SCARA3: variants seen among roughly 807,000 people sequenced by gnomAD.
The protein encoded by SCARA3 is scavenger receptor class A member 3, also known as cellular stress response gene protein.
In SCARA3, 39 loss-of-function variants were observed where a neutral mutation model predicts 47.0. The ratio of observed to expected loss-of-function variants is 0.83; its 90% CI spans 0.64 to 1.08. SCARA3 has a LOEUF of 1.08. Among genes scored for constraint, SCARA3 ranks in the 50% least tolerant of loss-of-function variants. SCARA3 has a pLI of 0.00. For missense variants in SCARA3, 724 were observed against 792.3 expected (o/e 0.91, Z 1.04); for synonymous variants, 356 against 334.1 (o/e 1.07, Z -0.71).
chr8:27,711,304 G>A, the SCARA3 span, among the ~76,000 whole-genome samples: 10 of 152,194 alleles, frequency 6.6e-5, no homozygotes, highest in African/African-American at 2.4e-4. Context: ...TTGCAAAATG[G>A]TGATTCTGGT....
downstream of SCARA3, chr8:27,676,466 C>A: frequency 7.4e-7 from 1 of 1,354,468 alleles, no homozygotes; most frequent in South Asian, 1.3e-5. Flanking sequence ...GAGGCCTTTT[C>A]CCTAAGCCCA....
chr8:27,684,751 G>A, the SCARA3 span, among the ~76,000 whole-genome samples: 162 of 151,962 alleles, frequency 1.1e-3, no homozygotes, highest in African/African-American at 3.5e-3. Context: ...AAGTTTGGCC[G>A]GATGCAATAT....
At chr8:27,642,904 G>A (rs34659791) in intron 1 of SCARA3, among the ~76,000 whole-genome samples, 3,020 of 152,282 alleles carry the variant, frequency 0.02, 129 homozygotes, top group African/African-American at 0.07. Flanking sequence ...GGGGTTCAGG[G>A]GAGTCGGGGG....
Position 27,660,567 on chromosome 8 carries a change from T to TAGATAATAGAC in SCARA3, c.1369+1033_1369+1034insATAGACAGATA, listed in dbSNP as rs1563410112. On this transcript the variant is annotated intron_variant, in intron 5 of 5. Coordinates refer to ENST00000301904, the MANE Select transcript of SCARA3 (RefSeq NM_016240.3). ...GATAGATAGATAGATAGATAATAGA[T>TAGATAATAGAC]AGATAGATGATAGATAGATCCAGAG... 6.4e-4 allele frequency among the ~76,000 whole-genome samples: 96 copies of TAGATAATAGAC among 150,670 alleles called. 1 individual carries two copies. The highest frequency in any genetic ancestry group is 2.3e-3 in the African/African-American group (92 of 40,826).
the SCARA3 span, among the ~76,000 whole-genome samples, chr8:27,690,732 G>A: frequency 6.6e-6 from 1 of 152,044 alleles, no homozygotes; most frequent in African/African-American, 2.4e-5. Flanking sequence ...GTCTCGTTCT[G>A]TCACCCAGGC....
intron 1 of SCARA3, among the ~76,000 whole-genome samples, chr8:27,640,130 A>G (rs1204191016): frequency 6.6e-6 from 1 of 152,228 alleles, no homozygotes. Context: ...TCGGGAGGCA[A>G]GGGAAGGAGA....
chr8:27,659,479 G>C lies in SCARA3; in HGVS notation c.1309G>C (p.Glu437Gln). The C allele has an allele frequency of 6.2e-7, 1 of 1,614,008 alleles. No homozygotes were observed. ...NVRNLSMIVE[E>Q]MKAVDTQHGE... ...CCGGAACCTCTCCATGATCGTGGAG[G>C]AGATGAAGGCAGTGGACACACAGCA... The change falls in exon 5 of 6, where the codon GAG becomes CAG. Residue 437 changes from glutamate to glutamine, a missense_variant. By Grantham distance (29) the Glu-to-Gln change is conservative. Coordinates refer to ENST00000301904, the MANE Select transcript of SCARA3 (RefSeq NM_016240.3).
At chr8:27,667,392 C>T (rs1173149802) in intron 5 of SCARA3, among the ~76,000 whole-genome samples, 1 of 152,206 alleles carries the variant, frequency 6.6e-6, no homozygotes, top group African/African-American at 2.4e-5. Context: ...TGGGGTCTTC[C>T]TCCTCCAGGC....
At chr8:27,661,020 G>T (rs1466891278) in intron 5 of SCARA3, among the ~76,000 whole-genome samples, 1 of 152,170 alleles carries the variant, frequency 6.6e-6, no homozygotes, top group African/African-American at 2.4e-5. Flanking sequence ...CTCTTACTTG[G>T]GGGAGGCTCA....
the SCARA3 span, among the ~76,000 whole-genome samples, chr8:27,716,481 G>A: frequency 4.4e-4 from 67 of 152,246 alleles, 3 homozygotes; most frequent in East Asian, 0.013. Context: ...GGACATAAAA[G>A]TTAGCTTCAA....
intron 3 of SCARA3, among the ~76,000 whole-genome samples, chr8:27,652,544 A>G (rs1027254272): frequency 6.6e-6 from 1 of 152,216 alleles, no homozygotes; most frequent in Non-Finnish European, 1.5e-5. Flanking sequence ...GCCTGAGCAC[A>G]TCCCTAAGGA....
At chr8:27,700,681 A>T in the SCARA3 span, among the ~76,000 whole-genome samples, 8 of 152,324 alleles carry the variant, frequency 5.3e-5, no homozygotes, top group East Asian at 1.3e-3. Flanking sequence ...TGACCATGTA[A>T]GCACATGAAA....
intron 2 of SCARA3, among the ~76,000 whole-genome samples, 160 bp from the exon 3 acceptor site, chr8:27,651,348 A>G (rs1474323998): frequency 6.6e-6 from 1 of 152,204 alleles, no homozygotes; most frequent in African/African-American, 2.4e-5. Context: ...CACCTAGAGA[A>G]AGGAGGTAGG....
intron 3 of SCARA3, among the ~76,000 whole-genome samples, chr8:27,652,548 C>G (rs925653702): frequency 6.6e-6 from 1 of 152,214 alleles, no homozygotes; most frequent in African/African-American, 2.4e-5. Context: ...GAGCACATCC[C>G]TAAGGAGAGG....
intron 1 of SCARA3, 92 bp from the exon 2 acceptor site, chr8:27,649,610 G>C: frequency 8.4e-7 from 1 of 1,187,856 alleles, no homozygotes; most frequent in Non-Finnish European, 1.2e-6. Flanking sequence ...CAGGGGTAGA[G>C]GTGGGCATGG....
In SCARA3 at chr8:27,658,352, A is replaced by G. The variant is rs547740953; in HGVS notation, c.326-144A>G. ...TAGAGGTGGCAAGGCTTTTTCAAGA[A>G]GGAATTCATAACAGGACTTCTGGAA... On this transcript the variant is annotated intron_variant, in intron 4 of 5. Transcript: ENST00000301904. 17 of 695,404 alleles carry G rather than the reference A, an allele frequency of 2.4e-5. 1 individual carries two copies. The South Asian group carries it at 3.6e-4, about 15-fold the overall frequency. The allele number at this position is 695,404 out of a possible 1,614,324, so 43.1% of individuals were successfully genotyped here.
At chr8:27,665,149 T>C (rs1801990293) in intron 5 of SCARA3, among the ~76,000 whole-genome samples, 1 of 152,218 alleles carries the variant, frequency 6.6e-6, no homozygotes, top group Admixed American at 6.5e-5. Flanking sequence ...CAAGTCCTGA[T>C]GGAAGGGTTG....
At chr8:27,711,260 T>A in the SCARA3 span, among the ~76,000 whole-genome samples, 6 of 152,186 alleles carry the variant, frequency 3.9e-5, no homozygotes, top group Admixed American at 2.0e-4. Flanking sequence ...ACATTGGTGA[T>A]CATTGTCTAG....
the SCARA3 span, among the ~76,000 whole-genome samples, chr8:27,683,584 T>C: frequency 6.6e-6 from 1 of 152,194 alleles, no homozygotes; most frequent in Non-Finnish European, 1.5e-5. Flanking sequence ...TTTGGAAAAC[T>C]GTTTGGCTTC....
Sources: allele counts gnomAD v4.1 joint callset (sites outside exome capture counted in the v4.1 genomes callset), GRCh38; gene constraint gnomAD v4.1.1; transcripts MANE v1.5; gene names NCBI Gene and HGNC (gene_info 2026-07-23, HGNC 2026-07-21).